The following THAP12 variants were observed in gnomAD, a reference collection of about 807,000 sequenced individuals.
THAP12 encodes the protein THAP domain containing 12, also known as 52 kDa repressor of the inhibitor of the protein kinase.
Under a neutral mutation model 63.0 loss-of-function variants are expected in THAP12, and 20 were observed. The ratio of observed to expected loss-of-function variants is 0.32; its 90% CI spans 0.22 to 0.46. The LOEUF is 0.46. Among genes scored for constraint, THAP12 ranks in the 20% least tolerant of loss-of-function variants. THAP12 has a pLI of 1.00. For synonymous variants in THAP12, 264 were observed against 328.4 expected, an observed-to-expected ratio of 0.80 and a Z score of 2.12; for missense variants, 568 against 908.2, an observed-to-expected ratio of 0.63 and a Z score of 4.81.
intron 2 of THAP12, 118 bp downstream of exon 2, chr11:76,365,734 A>T (rs1946626773): frequency 1.6e-6 from 2 of 1,266,706 alleles, no homozygotes. Context: ...CTTCATCTTA[A>T]AGTGGCAGGA....
chr11:76,361,090 G>A (rs1946595171), intron 2 of THAP12, 27 bp from the exon 3 acceptor site: 1 of 1,419,794 alleles, frequency 7.0e-7, no homozygotes, highest in Non-Finnish European at 9.9e-7. Flanking sequence ...TGTTAATTCA[G>A]AGATGGTCCT....
chr11:76,378,405 A>C (rs1946726002), intron 1 of THAP12, among the ~76,000 whole-genome samples: 1 of 152,176 alleles, frequency 6.6e-6, no homozygotes, highest in African/African-American at 2.4e-5. Context: ...AGCCTGGGCA[A>C]CAGAGTGAGA....
intron 1 of THAP12, among the ~76,000 whole-genome samples, chr11:76,378,147 G>A (rs189162911): frequency 2.6e-5 from 4 of 152,282 alleles, no homozygotes; most frequent in African/African-American, 7.2e-5. Context: ...AGCCAAGCAC[G>A]GTGGCTTACA....
intron 1 of THAP12, among the ~76,000 whole-genome samples, chr11:76,375,284 C>G (rs1946701612): frequency 6.6e-6 from 1 of 152,116 alleles, no homozygotes; most frequent in Non-Finnish European, 1.5e-5. Context: ...AATTCATTAG[C>G]TCTACCTGTA....
At chr11:76,357,184 C>T (rs1946567238) in intron 3 of THAP12, 1 of 152,062 alleles carries the variant, frequency 6.6e-6, no homozygotes, top group Non-Finnish European at 1.5e-5. Context: ...GATTTAAAGT[C>T]ACGGGAGGAT....
At chr11:76,361,799 G>A (rs1946599272) in intron 2 of THAP12, among the ~76,000 whole-genome samples, 1 of 152,160 alleles carries the variant, frequency 6.6e-6, no homozygotes, top group African/African-American at 2.4e-5. Flanking sequence ...ATGATCTGAT[G>A]TTATCTTATG....
chr11:76,365,756 C>T, intron 2 of THAP12, 96 bp downstream of exon 2: 2 of 1,415,754 alleles, frequency 1.4e-6, no homozygotes, highest in Non-Finnish European at 9.6e-7. Context: ...ATAGGAATAC[C>T]TTCCAACATT....
intron 1 of THAP12, among the ~76,000 whole-genome samples, chr11:76,366,619 T>A (rs573480715): frequency 1.3e-5 from 2 of 151,710 alleles, no homozygotes; most frequent in South Asian, 4.2e-4. Flanking sequence ...AGGCGGAGCT[T>A]GCAGTGAGCC....
intron 2 of THAP12, among the ~76,000 whole-genome samples, chr11:76,363,709 C>G (rs899006454): frequency 6.6e-6 from 1 of 152,210 alleles, no homozygotes; most frequent in Non-Finnish European, 1.5e-5. Context: ...CTGTTTCAGC[C>G]TCCTGAGCAG....
At chr11:76,370,833 A>AG (rs1260190365) in intron 1 of THAP12, among the ~76,000 whole-genome samples, 7 of 130,142 alleles carry the variant, frequency 5.4e-5, no homozygotes, top group African/African-American at 2.1e-4. Flanking sequence ...AAAAAAAGAA[A>AG]AAAAAAAAAA....
chr11:76,354,312 C>T (rs1779400579), intron 4 of THAP12, among the ~76,000 whole-genome samples: 1 of 152,188 alleles, frequency 6.6e-6, no homozygotes, highest in South Asian at 2.1e-4. Flanking sequence ...ATATGTGACA[C>T]AGCAGTGGTT....
intron 1 of THAP12, among the ~76,000 whole-genome samples, chr11:76,372,032 C>T (rs1311014623): frequency 6.6e-6 from 1 of 151,948 alleles, no homozygotes; most frequent in African/African-American, 2.4e-5. Flanking sequence ...AGGCTGGTCT[C>T]GAACCCCTGA....
chr11:76,370,843 A>AC (rs1433930243), intron 1 of THAP12, among the ~76,000 whole-genome samples: 2 of 141,530 alleles, frequency 1.4e-5, no homozygotes, highest in African/African-American at 5.3e-5. Context: ...AAAAAAAAAA[A>AC]ATATATATAT....
rs528289976 is a variant in THAP12, at chr11:76,373,739, A to G, written c.89+7009T>C. 2.0e-5 allele frequency among the ~76,000 whole-genome samples: 3 copies of G among 152,148 alleles called. No homozygotes were observed. In the South Asian group the frequency reaches 6.2e-4, roughly 32 times the overall value. On this transcript the variant is annotated intron_variant, in intron 1 of 4. Coordinates refer to ENST00000260045, the MANE Select transcript of THAP12 (RefSeq NM_004705.4). ...CCCTCAAAAAAAAAAAAAGTTTGAAATTTGCTGCTCACATTTTAGAGCAGC... is the reference window on the plus strand; with the variant it reads ...CCCTCAAAAAAAAAAAAAGTTTGAAGTTTGCTGCTCACATTTTAGAGCAGC...
chr11:76,366,134 A>C (rs1273384742), intron 1 of THAP12, among the ~76,000 whole-genome samples, 162 bp from the exon 2 acceptor site: 1 of 152,234 alleles, frequency 6.6e-6, no homozygotes, highest in Non-Finnish European at 1.5e-5. Context: ...AGTTGGAAAA[A>C]ACCTTAGAAG....
At chr11:76,365,670 C>T (rs566446090) in intron 2 of THAP12, among the ~76,000 whole-genome samples, 182 bp downstream of exon 2, 3 of 152,070 alleles carry the variant, frequency 2.0e-5, no homozygotes, top group Admixed American at 6.5e-5. Context: ...TATAGGCCCC[C>T]GGCAAAATCA....
intron 1 of THAP12, among the ~76,000 whole-genome samples, chr11:76,367,867 A>T (rs1250278308): frequency 1.3e-5 from 2 of 152,130 alleles, no homozygotes; most frequent in African/African-American, 2.4e-5. Context: ...TATGATTTTT[A>T]AAAAACTACA....
intron 3 of THAP12, chr11:76,359,528 G>A (rs1467812222): frequency 6.6e-6 from 1 of 152,124 alleles, no homozygotes; most frequent in African/African-American, 2.4e-5. Context: ...CTTGACAAAA[G>A]GACTTTCAAA....
intron 1 of THAP12, among the ~76,000 whole-genome samples, chr11:76,367,642 C>T (rs1242732902): frequency 6.6e-6 from 1 of 151,496 alleles, no homozygotes; most frequent in Non-Finnish European, 1.5e-5. Context: ...AGCTTGGTCT[C>T]GAACTCCAGA....
Sources: gnomAD v4.1 joint callset for allele counts (sites outside exome capture counted in the v4.1 genomes callset) on GRCh38, gnomAD v4.1.1 for gene constraint, MANE v1.5 for transcripts, NCBI Gene and HGNC (gene_info 2026-07-23, HGNC 2026-07-21) for gene names.